ENGASE: variants seen among roughly 807,000 people sequenced by gnomAD.
ENGASE encodes cytosolic endo-beta-N-acetylglucosaminidase.
ENGASE carries 69 observed loss-of-function variants against 78.5 expected under a neutral mutation model. The ratio of observed to expected loss-of-function variants is 0.88; its 90% CI spans 0.72 to 1.07. The LOEUF (loss-of-function observed/expected upper bound fraction) is 1.07, where lower values mean the gene tolerates loss of function less well. Ranked by LOEUF, ENGASE falls within the 50% of genes least tolerant of loss-of-function variation. The probability of loss-of-function intolerance (pLI) is 0.00; values close to 1 mark genes in which losing one functional copy is unlikely to be tolerated. For missense variants in ENGASE, 943 were observed against 988.4 expected (o/e 0.95, Z 0.62); for synonymous variants, 408 against 408.9 (o/e 1.00, Z 0.03).
At chr17:79,078,660 C>T (rs527721583) in intron 3 of ENGASE, among the ~76,000 whole-genome samples, 30 of 152,314 alleles carry the variant, frequency 2.0e-4, no homozygotes, top group African/African-American at 6.5e-4. Flanking sequence ...GGAGTCCGCG[C>T]GGCGCTTTTA....
intron 12 of ENGASE, 59 bp downstream of exon 12, chr17:79,085,401 C>A: frequency 6.9e-7 from 1 of 1,456,630 alleles, no homozygotes; most frequent in East Asian, 2.4e-5. Context: ...TTGGGAAACC[C>A]CAGAGCTGGA....
chr17:79,084,652 C>A lies in ENGASE; in HGVS notation c.1557C>A (p.Gly519=), dbSNP rs182451138. 2.3e-5 allele frequency: 37 copies of A among 1,612,850 alleles called. No individual in the cohort carries two copies. The East Asian group carries it at 7.8e-4, about 34-fold the overall frequency. The part of the protein sequence containing the change: ...VALELTTGDA[G]SCHIGGISVL... ...TGGAGCTGACCACAGGGGATGCCGG[C>A]AGCTGCCACATCGGTGGCATCTCAG... Residue 519 remains glycine (G), a synonymous_variant, in exon 11 of 14, where the codon GGC becomes GGA. Transcript: ENST00000579016.
rs747001584 is a variant in ENGASE at position 79,083,150 on chromosome 17, G to A, written c.1142+27G>A. On this transcript the variant is annotated intron_variant, in intron 8 of 13. Coordinates refer to ENST00000579016, the MANE Select transcript of ENGASE (RefSeq NM_001042573.3). The surrounding 1 kb of genome is among the most constrained non-coding windows in gnomAD (Gnocchi z 4.9). ...TGAGTCCTGCTGTCCTGGGTGCTTA[G>A]TGCAGGCTGATGGGAGGGAGGGGTT... 5 of 1,535,942 alleles carry A rather than the reference G, an allele frequency of 3.3e-6. No homozygotes were observed. Among genetic ancestry groups the A allele is most frequent in the Middle Eastern group, 1.7e-4 (1 of 5,912 alleles).
At position 79,086,030 on chromosome 17, in the gene ENGASE, G is replaced by T; in HGVS notation, c.1913G>T (p.Gly638Val). ...CAGCCATCCGCCTCTGAGCGGGAGG[G>T]GCCCCCTGCTCTGCTCCAGCTCAGC... Reference protein sequence around the residue: ...RWQPSASEREGPPALLQLSCT... With the variant: ...RWQPSASEREVPPALLQLSCT... The change falls in exon 14 of 14, where the codon GGG (glycine) becomes GTG (valine). Residue 638 changes from glycine (G) to valine (V), a missense_variant. Gly to Val is a moderately radical substitution (Grantham distance 109). Transcript: ENST00000579016. 6.2e-7 allele frequency: 1 copy of T among 1,612,936 alleles called. No individual in the cohort carries two copies. Among genetic ancestry groups the T allele is most frequent in the Non-Finnish European group, 8.5e-7 (1 of 1,180,020 alleles).
intron 12 of ENGASE, 95 bp downstream of exon 12, chr17:79,085,437 C>T (rs940060253): frequency 1.5e-6 from 2 of 1,352,836 alleles, no homozygotes; most frequent in Non-Finnish European, 2.0e-6. Context: ...TGGGCTGGCC[C>T]CCAGGTTTTG....
chr17:79,081,747 T>TGG (rs2145991608), intron 6 of ENGASE, 151 bp from the exon 7 acceptor site: 20 of 609,984 alleles, frequency 3.3e-5, no homozygotes, highest in Admixed American at 5.8e-5. Flanking sequence ...AGGCTGAGGC[T>TGG]GTGTGGGGTG....
At position 79,086,233 on chromosome 17, in the gene ENGASE, G is replaced by C; in HGVS notation, c.2116G>C (p.Gly706Arg). 6.2e-7 allele frequency: 1 copy of C among 1,613,544 alleles called. No homozygotes were observed. Among genetic ancestry groups the C allele is most frequent in the Non-Finnish European group, 8.5e-7 (1 of 1,180,054 alleles). ...RIVDLLVEAA[G>R]PGQDRRMEFL... ...AGTGGACCTGCTGGTGGAAGCCGCCGGGCCCGGCCAGGATCGTCGCATGGA... is the reference window on the plus strand; with the variant it reads ...AGTGGACCTGCTGGTGGAAGCCGCCCGGCCCGGCCAGGATCGTCGCATGGA... The change falls in exon 14 of 14, where the codon GGG (glycine) becomes CGG (arginine). Residue 706 changes from glycine to arginine, a missense_variant. Coordinates refer to ENST00000579016, the MANE Select transcript of ENGASE (RefSeq NM_001042573.3).
rs2073307034 is a variant in ENGASE, at chr17:79,086,300, C to T, written c.2183C>T (p.Pro728Leu). 3 of 1,613,458 alleles carry T rather than the reference C, an allele frequency of 1.9e-6. No individual in the cohort carries two copies. The highest frequency in any genetic ancestry group is 2.2e-5 in the East Asian group (1 of 44,898). ...EPVPKEGFRVPQAEWGRAVLL... is the reference protein window; with the variant it reads ...EPVPKEGFRVLQAEWGRAVLL... ...GTCCCCAAGGAAGGGTTCCGGGTAC[C>T]TCAGGCCGAGTGGGGCAGGGCAGTT... The change falls in exon 14 of 14, where the codon CCT becomes CTT. Residue 728 changes from proline to leucine, a missense_variant. Transcript: ENST00000579016.
chr17:79,082,813 G>A (rs938566592), intron 7 of ENGASE: 1 of 1,503,430 alleles, frequency 6.7e-7, no homozygotes, highest in Non-Finnish European at 8.9e-7. Context: ...AGCGCTGACC[G>A]CCTCTCCCGC....
chr17:79,077,778 C>A lies in ENGASE; in HGVS notation c.330C>A (p.Pro110=), dbSNP rs750169428. The change falls in exon 3 of 14, where the codon CCC becomes CCA. Residue 110 remains proline (P), a synonymous_variant. Transcript: ENST00000579016. ...LEDGFNVALE[P]LACRQPPLSS... is the part of the protein sequence containing the mutation. ...ATGGCTTTAATGTGGCCCTGGAGCCCCTGGCGTGTCGCCAGCCCCCTCTGA... is the reference window on the plus strand; with the variant it reads ...ATGGCTTTAATGTGGCCCTGGAGCCACTGGCGTGTCGCCAGCCCCCTCTGA... 1.2e-6 allele frequency: 2 copies of A among 1,614,124 alleles called. No individual in the cohort carries two copies. The highest frequency in any genetic ancestry group is 2.2e-5 in the South Asian group (2 of 91,082).
chr17:79,084,248 C>CCCCCCCCCA, intron 10 of ENGASE: 1 of 502,864 alleles, frequency 2.0e-6, no homozygotes, highest in Non-Finnish European at 3.4e-6. Flanking sequence ...CATCCTCCCC[C>CCCCCCCCCA]AGCCCCCCAA....
Position 79,077,491 on chromosome 17 carries a change from C to G in ENGASE, c.208C>G (p.Leu70Val), listed in dbSNP as rs1238067719. The G allele has an allele frequency of 1.3e-6, 2 of 1,556,724 alleles. No individual in the cohort carries two copies. Among genetic ancestry groups the G allele is most frequent in the African/African-American group, 2.7e-5 (2 of 72,832 alleles). The change falls in exon 2 of 14, where the codon CTG becomes GTG. Residue 70 changes from leucine (L) to valine (V), a missense_variant. By Grantham distance (32) the Leu-to-Val change is conservative. Transcript: ENST00000579016. The stretch of plus-strand genomic sequence containing the variant: ...GGTGGTCAGTTTTTCCCCGGACCCC[C>G]TGCCAGGTGAGGAGACAGAGGCTCT... The part of the protein sequence containing the change: ...REVVSFSPDP[L>V]PVRYYDKDTT...
In ENGASE at chr17:79,086,925, G is replaced by A. The variant is rs1056308432; in HGVS notation, c.*576G>A. The A allele has an allele frequency of 1.7e-5, 8 of 465,240 alleles. No homozygotes were observed. Among genetic ancestry groups the A allele is most frequent in the African/African-American group, 5.9e-5 (3 of 50,548 alleles). 28.8% of individuals were successfully genotyped at this position (465,240 alleles called of 1,614,324 possible). A position where few individuals can be genotyped will look rare whatever the true frequency, so the allele number is the denominator to read the frequency against. ...CTTTTCCCTGAGGAGTGGGCATTCT[G>A]GGCCAGCCGGCGCTGGCTTCGTGCC... On this transcript the variant is annotated 3_prime_UTR_variant, in exon 14 of 14. Coordinates refer to ENST00000579016, the MANE Select transcript of ENGASE (RefSeq NM_001042573.3).
rs571628436 is a variant in ENGASE at position 79,085,615 on chromosome 17, C to T, written c.1701-5C>T. 86 of 1,613,330 alleles carry T rather than the reference C, an allele frequency of 5.3e-5. No individual in the cohort carries two copies. The highest frequency in any genetic ancestry group is 1.2e-4 in the South Asian group (11 of 91,082). On this transcript the variant is annotated splice_region_variant and splice_polypyrimidine_tract_variant and intron_variant, in intron 12 of 13. Coordinates refer to ENST00000579016, the MANE Select transcript of ENGASE (RefSeq NM_001042573.3). ...CGGCCAGTGATCAGCCCTTTCGCCC[C>T]GTAGCTGCTACGAGGTGAGCCTGCG...
chr17:79,075,129 G>T, intron 1 of ENGASE, 39 bp downstream of exon 1: 1 of 1,202,882 alleles, frequency 8.3e-7, no homozygotes. Flanking sequence ...GATCCGCGGG[G>T]CTGAGAGTCC....
Position 79,086,628 on chromosome 17 carries a change from T to A in ENGASE, c.*279T>A. On this transcript the variant is annotated 3_prime_UTR_variant, in exon 14 of 14. Coordinates refer to ENST00000579016, the MANE Select transcript of ENGASE (RefSeq NM_001042573.3). Reference sequence around the variant, plus strand: ...CTCCCCACGGTACCTGGTTCCCAGGTGAAAATGAAAGGAGGGGAGAAGTTG... The same window carrying A: ...CTCCCCACGGTACCTGGTTCCCAGGAGAAAATGAAAGGAGGGGAGAAGTTG... 1.9e-6 allele frequency: 1 copy of A among 536,734 alleles called. No individual in the cohort carries two copies. The highest frequency in any genetic ancestry group is 3.2e-5 in the East Asian group (1 of 31,716). 33.2% of individuals were successfully genotyped at this position (536,734 alleles called of 1,614,324 possible).
At position 79,086,272 on chromosome 17, in the gene ENGASE, C is replaced by T. The variant is rs765991957; in HGVS notation, c.2155C>T (p.Pro719Ser). 7 of 1,613,538 alleles carry T rather than the reference C, an allele frequency of 4.3e-6. No homozygotes were observed. The South Asian group carries it at 6.6e-5, about 15-fold the overall frequency. ...QDRRMEFLVE[P>S]VPKEGFRVPQ... Reference sequence around the variant, plus strand: ...TCGTCGCATGGAATTTCTGGTGGAGCCTGTCCCCAAGGAAGGGTTCCGGGT... The same window carrying T: ...TCGTCGCATGGAATTTCTGGTGGAGTCTGTCCCCAAGGAAGGGTTCCGGGT... Residue 719 changes from proline (P) to serine (S), a missense_variant, in exon 14 of 14, where the codon CCT becomes TCT. By Grantham distance (74) the Pro-to-Ser change is moderately conservative. Coordinates refer to ENST00000579016, the MANE Select transcript of ENGASE (RefSeq NM_001042573.3).
At position 79,087,561 on chromosome 17, in the gene ENGASE, T is replaced by C. The variant is rs138940787; in HGVS notation, c.*1212T>C. 1.8e-3 allele frequency: 281 copies of C among 157,022 alleles called. No individual in the cohort carries two copies. Among genetic ancestry groups the C allele is most frequent in the South Asian group, 3.1e-3 (17 of 5,544 alleles). The allele number at this position is 157,022 out of a possible 1,614,324, so 9.7% of individuals were successfully genotyped here. On this transcript the variant is annotated 3_prime_UTR_variant, in exon 14 of 14. Coordinates refer to ENST00000579016, the MANE Select transcript of ENGASE (RefSeq NM_001042573.3). ...GTGGCTGGTCTGGGGTGGGGTCTGT[T>C]GTGGTCCTTCCACGGTGTCAGTGGC...
At chr17:79,082,982 G>A in intron 7 of ENGASE, 38 bp from the exon 8 acceptor site, 1 of 1,604,778 alleles carries the variant, frequency 6.2e-7, no homozygotes. Context: ...TCTGGACTCT[G>A]GTCCTGATGT....
Sources: allele counts gnomAD v4.1 joint callset (sites outside exome capture counted in the v4.1 genomes callset), GRCh38; gene constraint gnomAD v4.1.1; non-coding constraint Gnocchi (gnomAD v3.1); transcripts MANE v1.5; gene names NCBI Gene and HGNC (gene_info 2026-07-23, HGNC 2026-07-21).